ASAP1: variants seen among roughly 807,000 people sequenced by gnomAD.
ASAP1 encodes ArfGAP with SH3 domain, ankyrin repeat and PH domain 1.
In ASAP1, 43 loss-of-function variants were observed where a neutral mutation model predicts 145.2. That is an observed-to-expected ratio of 0.30 (90% CI 0.23 to 0.38). The LOEUF (loss-of-function observed/expected upper bound fraction) is 0.38. ASAP1 is among the 10% of genes least tolerant of loss of function. ASAP1 has a pLI of 1.00. For missense variants in ASAP1, 1,018 were observed against 1,355.3 expected (o/e 0.75, Z 3.91); for synonymous variants, 546 against 515.5 (o/e 1.06, Z -0.80).
chr8:130,226,694 G>C (rs1474369009), intron 4 of ASAP1, among the ~76,000 whole-genome samples: 2 of 152,188 alleles, frequency 1.3e-5, no homozygotes, highest in African/African-American at 4.8e-5. Flanking sequence ...TTAAATAACA[G>C]AGCCCCAAGA....
At chr8:130,320,625 G>A (rs1419051158) in intron 3 of ASAP1, among the ~76,000 whole-genome samples, 1 of 100,140 alleles carries the variant, frequency 1.0e-5, no homozygotes, top group African/African-American at 4.2e-5. Context: ...GTCTAGGGCT[G>A]TATGAAGGAG....
intron 3 of ASAP1, among the ~76,000 whole-genome samples, chr8:130,287,651 T>G (rs1467282905): frequency 5.9e-5 from 9 of 152,168 alleles, no homozygotes. Flanking sequence ...TGCATTTGAA[T>G]TTCTCCTCTG....
At chr8:130,276,089 T>C (rs1487363622) in intron 3 of ASAP1, among the ~76,000 whole-genome samples, 2 of 152,210 alleles carry the variant, frequency 1.3e-5, no homozygotes, top group East Asian at 3.8e-4. Flanking sequence ...CATGAATGGA[T>C]GCTTTGCCCT....
chr8:130,072,831 G>GTGCGC lies in ASAP1; in HGVS notation c.2701+3516_2701+3517insGCGCA, dbSNP rs58907739. Among the ~76,000 whole-genome samples the GTGCGC allele has an allele frequency of 1.8e-4, 20 of 110,776 alleles. 4 individuals carry two copies. Among genetic ancestry groups the GTGCGC allele is most frequent in the Middle Eastern group, 8.8e-3 (2 of 228 alleles). The allele number at this position is 110,776 out of a possible 152,430, so 72.7% of individuals were successfully genotyped here. ...TGTGTGTGTGTGTGTGTGTGCGCGCGGGGGGGGGCAGTTTTGGGGACTGAG... is the reference window on the plus strand; with the variant it reads ...TGTGTGTGTGTGTGTGTGTGCGCGCGTGCGCGGGGGGGGCAGTTTTGGGGACTGAG... On this transcript the variant is annotated intron_variant, in intron 27 of 29. Transcript: ENST00000518721.
In ASAP1 at chr8:130,110,089, T is replaced by C. The variant is rs1194893214; in HGVS notation, c.2401+2005A>G. Among the ~76,000 whole-genome samples, 3 of 152,248 alleles carry C rather than the reference T, an allele frequency of 2.0e-5. No individual in the cohort carries two copies. The East Asian group carries it at 5.8e-4, about 29-fold the overall frequency. On this transcript the variant is annotated intron_variant, in intron 24 of 29. Transcript: ENST00000518721. ...TAGTCTTTGTCTTCTGGGTCTTTGG[T>C]AAAGAGCTAGTTAGAATTTATTCAA...
intron 3 of ASAP1, among the ~76,000 whole-genome samples, chr8:130,262,416 AAGAGAGAGAGAGAGAGAGAGAG>A (rs71513089): frequency 1.7e-5 from 1 of 57,850 alleles, no homozygotes; most frequent in Non-Finnish European, 3.0e-5. Flanking sequence ...AAAAAAAAAA[AAGAGAGAGAGAGAGAGAGAGAG>A]AGAGAGAGAG....
At chr8:130,120,290 T>C (rs2097563657) in intron 18 of ASAP1, among the ~76,000 whole-genome samples, 1 of 152,252 alleles carries the variant, frequency 6.6e-6, no homozygotes, top group South Asian at 2.1e-4. Context: ...ATATAAAGTG[T>C]GAAAGGCAGC....
intron 4 of ASAP1, among the ~76,000 whole-genome samples, chr8:130,222,572 T>A (rs1817355937): frequency 6.6e-6 from 1 of 152,208 alleles, no homozygotes. Context: ...TAGAATATTG[T>A]GTGCCACAAT....
intron 5 of ASAP1, chr8:130,195,031 CAA>C (rs1393096906): frequency 6.6e-6 from 1 of 152,142 alleles, no homozygotes; most frequent in Non-Finnish European, 1.5e-5. Context: ...AAAAGCTTTT[CAA>C]ATCCATTATA....
chr8:130,360,393 A>T (rs1451460300), intron 2 of ASAP1, among the ~76,000 whole-genome samples: 1 of 152,184 alleles, frequency 6.6e-6, no homozygotes, highest in Non-Finnish European at 1.5e-5. Context: ...TGTTATGTTG[A>T]GTTCACTGAT....
Position 130,079,930 on chromosome 8 carries a change from T to C in ASAP1, c.2614A>G (p.Lys872Glu). The C allele has an allele frequency of 6.2e-7, 1 of 1,614,118 alleles. No individual in the cohort carries two copies. Among genetic ancestry groups the C allele is most frequent in the Non-Finnish European group, 8.5e-7 (1 of 1,180,000 alleles). The part of the protein sequence containing the change: ...GPSSSSKTTN[K>E]FEGLSQQSST... ...GACTGCTGGGATAGTCCCTCAAACT[T>C]GTTTGTAGTCTTACTTGAAGAGGAT... Residue 872 changes from lysine to glutamate, a missense_variant, in exon 26 of 30, where the codon AAG (lysine) becomes GAG (glutamate). Lys to Glu is a moderately conservative substitution (Grantham distance 56). Around this residue, in one of 9 missense-constraint regions of ASAP1, gnomAD observed 353 missense variants for 375.4 expected, o/e 0.94. Coordinates refer to ENST00000518721, the MANE Select transcript of ASAP1 (RefSeq NM_018482.4).
intron 24 of ASAP1, among the ~76,000 whole-genome samples, chr8:130,102,433 C>T (rs1020679406): frequency 1.3e-5 from 2 of 152,180 alleles, no homozygotes; most frequent in South Asian, 2.1e-4. Context: ...ATCCTTGCAT[C>T]CCTGCGATAA....
intron 3 of ASAP1, among the ~76,000 whole-genome samples, chr8:130,342,242 C>G (rs761683390): frequency 6.6e-6 from 1 of 152,116 alleles, no homozygotes; most frequent in East Asian, 1.9e-4. Flanking sequence ...GACCACAGAC[C>G]TCAGAGACAC....
intron 1 of ASAP1, among the ~76,000 whole-genome samples, chr8:130,411,634 G>A (rs1348705147): frequency 1.3e-5 from 2 of 151,496 alleles, no homozygotes; most frequent in African/African-American, 4.9e-5. Flanking sequence ...ACTTTTAACA[G>A]AGTGTTGTTA....
intron 2 of ASAP1, among the ~76,000 whole-genome samples, chr8:130,394,002 T>G (rs1828403398): frequency 1.3e-5 from 2 of 152,230 alleles, no homozygotes; most frequent in South Asian, 4.1e-4. Context: ...CTCATCATTT[T>G]CATAAGCTGA....
chr8:130,365,990 T>C (rs138792864), intron 2 of ASAP1, among the ~76,000 whole-genome samples: 3 of 151,702 alleles, frequency 2.0e-5, no homozygotes, highest in African/African-American at 7.2e-5. Context: ...AAGGATAACA[T>C]GCTTTCCAAA....
At chr8:130,215,271 G>A (rs1729401412) in intron 4 of ASAP1, among the ~76,000 whole-genome samples, 1 of 152,108 alleles carries the variant, frequency 6.6e-6, no homozygotes, top group Admixed American at 6.5e-5. Flanking sequence ...ATAGGCTGAG[G>A]GGTCAAATTA....
chr8:130,255,763 CA>C (rs1163396454), intron 3 of ASAP1, among the ~76,000 whole-genome samples: 1 of 152,178 alleles, frequency 6.6e-6, no homozygotes, highest in Admixed American at 6.6e-5. Context: ...GCAACACTGA[CA>C]AAAAGTCTTG....
intron 14 of ASAP1, among the ~76,000 whole-genome samples, chr8:130,135,016 AGGGAAGGAGT>A (rs759865699): frequency 1.3e-5 from 2 of 152,160 alleles, no homozygotes; most frequent in Non-Finnish European, 2.9e-5. Flanking sequence ...TATCCATGTA[AGGGAAGGAGT>A]GGGAAGGAGT....
Sources: gnomAD v4.1 joint callset for allele counts (sites outside exome capture counted in the v4.1 genomes callset) on GRCh38, gnomAD v4.1.1 for gene constraint, gnomAD v4.1.1 regional missense constraint, MANE v1.5 for transcripts, NCBI Gene and HGNC (gene_info 2026-07-23, HGNC 2026-07-21) for gene names.